Variants in XPO7 observed in about 807,000 individuals in gnomAD.
XPO7 encodes exportin 7.
Under a neutral mutation model 144.3 loss-of-function variants are expected in XPO7, and 21 were observed. That is an observed-to-expected ratio of 0.15 (90% confidence interval 0.10 to 0.21). XPO7 has a LOEUF of 0.21. Among genes scored for constraint, XPO7 ranks in the 10% least tolerant of loss-of-function variants. The pLI, the probability that XPO7 is intolerant of heterozygous loss-of-function variation, is 1.00. For missense variants in XPO7, 808 were observed against 1,325.8 expected, an observed-to-expected ratio of 0.61 and a Z score of 6.06; for synonymous variants, 580 against 499.6, an observed-to-expected ratio of 1.16 and a Z score of -2.15.
At chr8:21,948,301 T>G (rs978109689) in intron 1 of XPO7, among the ~76,000 whole-genome samples, 1 of 152,210 alleles carries the variant, frequency 6.6e-6, no homozygotes, top group Admixed American at 6.5e-5. Context: ...GCACAACATA[T>G]TACTTTAAAC....
chr8:21,974,457 T>C (rs569168883), intron 5 of XPO7, among the ~76,000 whole-genome samples: 1 of 152,332 alleles, frequency 6.6e-6, no homozygotes, highest in African/African-American at 2.4e-5. Flanking sequence ...GTTTTCCCTC[T>C]GTAAGCTAGA....
chr8:21,973,122 G>C (rs753695141), intron 5 of XPO7, among the ~76,000 whole-genome samples: 1 of 152,196 alleles, frequency 6.6e-6, no homozygotes, highest in Non-Finnish European at 1.5e-5. Context: ...ACAAGCAACA[G>C]ATGTGATTCA....
rs193210796 is a variant in XPO7, at chr8:21,998,752, C to G, written c.2346-3C>G. The G allele has an allele frequency of 2.5e-6, 4 of 1,613,894 alleles. No homozygotes were observed. The highest frequency in any genetic ancestry group is 1.3e-5 in the African/African-American group (1 of 75,046). On this transcript the variant is annotated splice_polypyrimidine_tract_variant and splice_region_variant and intron_variant, in intron 21 of 27. Coordinates refer to ENST00000252512, the MANE Select transcript of XPO7 (RefSeq NM_015024.5). ...TTTTTCTCCTCCTGTGCTCTCTGCT[C>G]AGGTCCCAGCGACTCCAGTTTGATG...
intron 1 of XPO7, among the ~76,000 whole-genome samples, chr8:21,953,675 G>C (rs1038215056): frequency 1.3e-5 from 2 of 152,210 alleles, no homozygotes; most frequent in East Asian, 3.8e-4. Flanking sequence ...ATCATCTGGT[G>C]TTATAAATGT....
At chr8:21,971,795 A>G (rs1812069289) in intron 4 of XPO7, 81 bp from the exon 5 acceptor site, 1 of 1,108,060 alleles carries the variant, frequency 9.0e-7, no homozygotes, top group African/African-American at 1.6e-5. Context: ...GGAACCCGTC[A>G]TTCGAAAGTA....
intron 4 of XPO7, among the ~76,000 whole-genome samples, chr8:21,970,831 G>A (rs1483842594): frequency 2.0e-5 from 3 of 152,110 alleles, no homozygotes; most frequent in Non-Finnish European, 2.9e-5. Flanking sequence ...TAGTGATGTC[G>A]AACTGTCTTA....
chr8:21,994,582 G>A, intron 20 of XPO7, 131 bp downstream of exon 20: 1 of 772,766 alleles, frequency 1.3e-6, no homozygotes, highest in Non-Finnish European at 2.1e-6. Context: ...TAGCCAGAAG[G>A]CCTGCATGTG....
chr8:22,003,866 G>C, intron 26 of XPO7, 37 bp from the exon 27 acceptor site: 1 of 1,612,378 alleles, frequency 6.2e-7, no homozygotes, highest in Non-Finnish European at 8.5e-7. Flanking sequence ...GCCTTCCCCT[G>C]CTTCTCTAAC....
chr8:21,929,201 A>G (rs1046213163), intron 1 of XPO7, among the ~76,000 whole-genome samples: 10 of 152,228 alleles, frequency 6.6e-5, no homozygotes, highest in African/African-American at 9.6e-5. Flanking sequence ...GGAAATTTCT[A>G]TTGGACAGTG....
At position 21,932,783 on chromosome 8, in the gene XPO7, C is replaced by T. The variant is rs1317459310; in HGVS notation, c.18+12995C>T. 5.3e-5 allele frequency among the ~76,000 whole-genome samples: 8 copies of T among 152,232 alleles called. No individual in the cohort carries two copies. The East Asian group carries it at 7.7e-4, about 15-fold the overall frequency. ...GATGCTAAATGTTAATATAGTCTAG[C>T]GGCTAGTCGTCAACTGTAGGCTATT... is the stretch of plus-strand genomic sequence containing the variant. On this transcript the variant is annotated intron_variant, in intron 1 of 27. Coordinates refer to ENST00000252512, the MANE Select transcript of XPO7 (RefSeq NM_015024.5).
intron 22 of XPO7, 87 bp downstream of exon 22, chr8:21,998,924 C>G (rs2117400887): frequency 2.6e-6 from 4 of 1,521,150 alleles, no homozygotes; most frequent in South Asian, 1.1e-5. Context: ...CTGGCCAGTC[C>G]TGGCAGGAGC....
intron 7 of XPO7, 146 bp from the exon 8 acceptor site, chr8:21,977,624 T>G: frequency 1.4e-6 from 1 of 695,434 alleles, no homozygotes; most frequent in Admixed American, 3.3e-5. Context: ...AAAAAGCCCC[T>G]ATTTGCTTAT....
At chr8:21,979,913 T>C (rs749734229) in intron 8 of XPO7, among the ~76,000 whole-genome samples, 171 bp from the exon 9 acceptor site, 2 of 151,964 alleles carry the variant, frequency 1.3e-5, no homozygotes, top group Non-Finnish European at 2.9e-5. Context: ...CCAAACTGAA[T>C]TTAATGGGCT....
chr8:21,990,963 CTTCTAAA>C (rs754198490), intron 18 of XPO7, 44 bp downstream of exon 18: 16 of 1,557,534 alleles, frequency 1.0e-5, no homozygotes, highest in African/African-American at 4.1e-5. Context: ...ATCTGGCACT[CTTCTAAA>C]TTTTTATTTG....
chr8:21,988,385 A>ATTT, intron 15 of XPO7: 1 of 149,814 alleles, frequency 6.7e-6, no homozygotes, highest in Admixed American at 6.5e-5. Context: ...GCCCTTTTTT[A>ATTT]TTTTTTTTTT....
At chr8:21,977,706 G>T (rs532267453) in intron 7 of XPO7, 64 bp from the exon 8 acceptor site, 16 of 1,475,706 alleles carry the variant, frequency 1.1e-5, no homozygotes, top group South Asian at 8.1e-5. Context: ...TATAGTGCTG[G>T]AAGTATGCCA....
chr8:21,946,230 A>T (rs1811183764), intron 1 of XPO7, among the ~76,000 whole-genome samples: 1 of 152,240 alleles, frequency 6.6e-6, no homozygotes, highest in East Asian at 1.9e-4. Flanking sequence ...CTGACTTCAG[A>T]TACTGGAAAA....
rs139084654 is a variant in XPO7 at position 21,984,203 on chromosome 8, A to G, written c.1278-443A>G. 1.1e-4 allele frequency among the ~76,000 whole-genome samples: 16 copies of G among 152,300 alleles called. No individual in the cohort carries two copies. In the East Asian group the frequency reaches 3.1e-3, roughly 29 times the overall value. On this transcript the variant is annotated intron_variant, in intron 11 of 27. Coordinates refer to ENST00000252512, the MANE Select transcript of XPO7 (RefSeq NM_015024.5). ...CATCAAGGGTTTTATATGATATGGT[A>G]GAAGCATCATACTGCCTTCCTCCAA... is the stretch of plus-strand genomic sequence containing the variant.
At chr8:21,966,275 G>A in intron 1 of XPO7, 1 of 780,376 alleles carries the variant, frequency 1.3e-6, no homozygotes, top group Non-Finnish European at 2.4e-6. Context: ...ACAGAAGAGA[G>A]TCTGCTGAAC....
Sources: allele counts gnomAD v4.1 joint callset (sites outside exome capture counted in the v4.1 genomes callset), GRCh38; gene constraint gnomAD v4.1.1; transcripts MANE v1.5; gene names NCBI Gene and HGNC (gene_info 2026-07-23, HGNC 2026-07-21).